Variants in SLC4A10 observed in about 807,000 individuals in gnomAD.
SLC4A10 encodes sodium-driven chloride bicarbonate exchanger.
Under a neutral mutation model 137.7 loss-of-function variants are expected in SLC4A10, and 42 were observed. The ratio of observed to expected loss-of-function variants is 0.30; its 90% CI spans 0.24 to 0.39. The LOEUF (loss-of-function observed/expected upper bound fraction) is 0.39. SLC4A10 is among the 10% of genes least tolerant of loss of function. The pLI is 1.00. For synonymous variants in SLC4A10, 474 were observed against 464.1 expected (o/e 1.02, Z -0.27); for missense variants, 925 against 1,355.0 (o/e 0.68, Z 4.98).
chr2:161,785,161 A>T, intron 2 of SLC4A10, among the ~76,000 whole-genome samples: 1 of 151,784 alleles, frequency 6.6e-6, no homozygotes, highest in East Asian at 1.9e-4. Context: ...CTAGGAACAT[A>T]AAATCTACCA....
intron 1 of SLC4A10, among the ~76,000 whole-genome samples, chr2:161,741,621 C>T (rs1416541109): frequency 6.6e-6 from 1 of 152,128 alleles, no homozygotes; most frequent in Non-Finnish European, 1.5e-5. Context: ...GCACAATGTA[C>T]TCCAGGTTCA....
At chr2:161,665,700 A>G (rs923418006) in intron 1 of SLC4A10, among the ~76,000 whole-genome samples, 3 of 151,492 alleles carry the variant, frequency 2.0e-5, no homozygotes, top group Non-Finnish European at 4.4e-5. Context: ...CCTAATTTAA[A>G]TATAAAAATT....
intron 15 of SLC4A10, among the ~76,000 whole-genome samples, chr2:161,934,446 C>T (rs1343272646): frequency 1.3e-5 from 2 of 152,138 alleles, no homozygotes; most frequent in African/African-American, 4.8e-5. Flanking sequence ...TGGCTTATTT[C>T]ACTTAATATA....
chr2:161,816,412 G>A (rs1280536209), intron 3 of SLC4A10, among the ~76,000 whole-genome samples: 1 of 151,990 alleles, frequency 6.6e-6, no homozygotes, highest in Non-Finnish European at 1.5e-5. Flanking sequence ...AATCATTAGG[G>A]CCCAAATTAT....
intron 1 of SLC4A10, among the ~76,000 whole-genome samples, chr2:161,757,317 T>C (rs1395057483): frequency 6.6e-6 from 1 of 152,174 alleles, no homozygotes; most frequent in African/African-American, 2.4e-5. Flanking sequence ...TCATCTTAAT[T>C]GGGCAAGTTA....
At chr2:161,710,118 G>A (rs968393485) in intron 1 of SLC4A10, among the ~76,000 whole-genome samples, 2 of 151,598 alleles carry the variant, frequency 1.3e-5, no homozygotes, top group Non-Finnish European at 3.0e-5. Context: ...TACTGATATT[G>A]ACTATAATTT....
intron 11 of SLC4A10, among the ~76,000 whole-genome samples, chr2:161,898,519 T>G (rs2105273125): frequency 6.6e-6 from 1 of 152,264 alleles, no homozygotes; most frequent in South Asian, 2.1e-4. Context: ...CTCTTTCAAA[T>G]TTTTTCACCA....
chr2:161,977,622 G>T, intron 25 of SLC4A10, 100 bp from the exon 26 acceptor site: 1 of 946,364 alleles, frequency 1.1e-6, no homozygotes, highest in South Asian at 1.8e-5. Context: ...GTGATTGAGG[G>T]AATTGGGACA....
At chr2:161,915,744 A>G (rs570620853) in intron 15 of SLC4A10, among the ~76,000 whole-genome samples, 8 of 152,258 alleles carry the variant, frequency 5.3e-5, no homozygotes, top group African/African-American at 1.9e-4. Context: ...TCCCTCCTGC[A>G]AGGGTTGAGC....
intron 4 of SLC4A10, among the ~76,000 whole-genome samples, chr2:161,848,440 T>A (rs1437143380): frequency 6.6e-6 from 1 of 152,206 alleles, no homozygotes; most frequent in Non-Finnish European, 1.5e-5. Flanking sequence ...ATCTTCATCA[T>A]GAAGTCTTTT....
At chr2:161,798,911 A>G (rs1293343185) in intron 2 of SLC4A10, among the ~76,000 whole-genome samples, 3 of 148,486 alleles carry the variant, frequency 2.0e-5, no homozygotes, top group Non-Finnish European at 3.0e-5. Context: ...CATTCTAGAT[A>G]AGGTTTTACA....
chr2:161,726,656 C>T (rs1163031041), intron 1 of SLC4A10, among the ~76,000 whole-genome samples: 3 of 152,168 alleles, frequency 2.0e-5, no homozygotes, highest in African/African-American at 7.2e-5. Flanking sequence ...CACCTGTAGT[C>T]CCAGCACTTT....
chr2:161,824,750 A>T (rs750248687), intron 3 of SLC4A10, among the ~76,000 whole-genome samples: 3 of 152,226 alleles, frequency 2.0e-5, no homozygotes, highest in Non-Finnish European at 2.9e-5. Context: ...ATGTGCACTG[A>T]AACTAAAATA....
intron 19 of SLC4A10, 115 bp from the exon 20 acceptor site, chr2:161,956,874 C>A: frequency 1.7e-6 from 2 of 1,148,564 alleles, no homozygotes; most frequent in Non-Finnish European, 2.4e-6. Flanking sequence ...TCCAGGAGAT[C>A]TGATATGAAG....
At chr2:161,944,525 G>A (rs1009314769) in intron 16 of SLC4A10, among the ~76,000 whole-genome samples, 2 of 151,708 alleles carry the variant, frequency 1.3e-5, no homozygotes, top group African/African-American at 4.8e-5. Flanking sequence ...TGAGTTTTGA[G>A]GTCAAGTAGA....
In SLC4A10 at chr2:161,874,019, C is replaced by A; in HGVS notation, c.948+14C>A. ...CAAGAGAGAGAGGTGAGGGCATACTCGGGCTCTATTTCTACAGTGGTTCAA... is the reference window on the plus strand; with the variant it reads ...CAAGAGAGAGAGGTGAGGGCATACTAGGGCTCTATTTCTACAGTGGTTCAA... On this transcript the variant is annotated intron_variant, in intron 8 of 26. Transcript: ENST00000446997. 1 of 1,576,116 alleles carries A rather than the reference C, an allele frequency of 6.3e-7. No individual in the cohort carries two copies. The highest frequency in any genetic ancestry group is 1.1e-5 in the South Asian group (1 of 87,476).
At chr2:161,941,844 A>G (rs1190301577) in intron 15 of SLC4A10, among the ~76,000 whole-genome samples, 2 of 152,146 alleles carry the variant, frequency 1.3e-5, no homozygotes, top group African/African-American at 2.4e-5. Context: ...ACAGGAGCTC[A>G]GTTTTTAAGG....
intron 1 of SLC4A10, among the ~76,000 whole-genome samples, chr2:161,743,903 G>A (rs1228594817): frequency 2.0e-5 from 3 of 151,996 alleles, no homozygotes; most frequent in African/African-American, 7.2e-5. Context: ...TATTTTAAAT[G>A]GGATTACTTT....
intron 2 of SLC4A10, among the ~76,000 whole-genome samples, chr2:161,800,732 G>A (rs1310727708): frequency 1.3e-5 from 2 of 152,054 alleles, no homozygotes; most frequent in Non-Finnish European, 2.9e-5. Context: ...GTGGATAACA[G>A]CAACCATGAG....
Sources: gnomAD v4.1 joint callset for allele counts (sites outside exome capture counted in the v4.1 genomes callset) on GRCh38, gnomAD v4.1.1 for gene constraint, MANE v1.5 for transcripts, NCBI Gene and HGNC (gene_info 2026-07-23, HGNC 2026-07-21) for gene names.